The following PAM variants were observed in gnomAD, a reference collection of about 807,000 sequenced individuals.
PAM encodes the protein peptidyl-glycine alpha-amidating monooxygenase.
PAM carries 72 observed loss-of-function variants against 122.1 expected under a neutral mutation model. That is an observed-to-expected ratio of 0.59 (90% CI 0.49 to 0.72). PAM has a LOEUF of 0.72. PAM is among the 30% of genes least tolerant of loss of function. The pLI is 0.00. For missense variants in PAM, 1,106 were observed against 1,183.7 expected (o/e 0.93, Z 0.96); for synonymous variants, 389 against 404.4 (o/e 0.96, Z 0.46).
At chr5:102,871,727 T>TTA (rs1360550364) in intron 3 of PAM, among the ~76,000 whole-genome samples, 2 of 146,678 alleles carry the variant, frequency 1.4e-5, no homozygotes, top group South Asian at 2.1e-4. Flanking sequence ...TATAATACAT[T>TTA]TATATATATT....
rs1372631484 is a variant in PAM, at chr5:103,009,758, C to T, written c.2223C>T (p.Leu741=). 2 of 1,596,654 alleles carry T rather than the reference C, an allele frequency of 1.3e-6. No homozygotes were observed. The highest frequency in any genetic ancestry group is 8.6e-7 in the Non-Finnish European group (1 of 1,164,484). ...VFAISYIPGL[L]FAVNGKPHFG... ...CTGGATTTGCTGTTGCAGGCTTGCT[C>T]TTTGCAGTGAATGGGAAGCCTCATT... The change falls in exon 21 of 26, where the codon CTC becomes CTT. Residue 741 remains leucine (L), a synonymous_variant. Coordinates refer to ENST00000438793, the MANE Select transcript of PAM (RefSeq NM_001177306.2).
At chr5:102,825,835 A>G (rs549314945) in intron 1 of PAM, among the ~76,000 whole-genome samples, 2 of 152,236 alleles carry the variant, frequency 1.3e-5, no homozygotes, top group South Asian at 2.1e-4. Flanking sequence ...GCAACAGATC[A>G]ATACCCCATC....
intron 1 of PAM, among the ~76,000 whole-genome samples, chr5:102,850,037 G>A (rs945447083): frequency 5.3e-5 from 8 of 151,766 alleles, no homozygotes; most frequent in Middle Eastern, 3.2e-3. Flanking sequence ...TTTGGTATGC[G>A]CCATTTTCCT....
Position 103,003,100 on chromosome 5 carries a change from G to C in PAM, c.1681G>C (p.Val561Leu). The C allele has an allele frequency of 6.2e-7, 1 of 1,605,778 alleles. No homozygotes were observed. Among genetic ancestry groups the C allele is most frequent in the African/African-American group, 1.3e-5 (1 of 74,868 alleles). The change falls in exon 17 of 26, where the codon GTC (valine) becomes CTC (leucine). Residue 561 changes from valine to leucine, a missense_variant. Physicochemically the swap from Val to Leu is conservative, Grantham distance 32. Around this residue, in one of 3 missense-constraint regions of PAM, gnomAD observed 670 missense variants for 690.3 expected, o/e 0.97. Coordinates refer to ENST00000438793, the MANE Select transcript of PAM (RefSeq NM_001177306.2). The stretch of plus-strand genomic sequence containing the variant: ...ACCAATTGAAGAAGACACTATTCTT[G>C]TCATAGATCCAAATAATGCTGCAGT... ...LGPIEEDTIL[V>L]IDPNNAAVLQ...
intron 3 of PAM, among the ~76,000 whole-genome samples, chr5:102,897,594 T>C (rs191869830): frequency 1.3e-5 from 2 of 151,784 alleles, no homozygotes. Context: ...AATATTTCTA[T>C]GACTTATGGC....
At chr5:102,946,473 G>A (rs189457539) in intron 7 of PAM, among the ~76,000 whole-genome samples, 4 of 151,128 alleles carry the variant, frequency 2.6e-5, no homozygotes. Context: ...GTGCAGCATG[G>A]AGCAAACTAT....
intron 7 of PAM, among the ~76,000 whole-genome samples, chr5:102,938,330 A>G (rs1222830118): frequency 6.6e-6 from 1 of 152,156 alleles, no homozygotes; most frequent in East Asian, 1.9e-4. Context: ...TATGGCCATT[A>G]TGTATCAGGA....
At chr5:102,910,629 C>T (rs917329539) in intron 4 of PAM, among the ~76,000 whole-genome samples, 4 of 151,722 alleles carry the variant, frequency 2.6e-5, no homozygotes, top group Admixed American at 1.3e-4. Context: ...TTAATCTTAC[C>T]GGATATAATA....
chr5:102,762,185 G>A (rs1167158320), intron 1 of PAM, among the ~76,000 whole-genome samples: 1 of 152,186 alleles, frequency 6.6e-6, no homozygotes, highest in East Asian at 1.9e-4. Flanking sequence ...AAAGTCACTT[G>A]TTCAGTGTGC....
chr5:102,994,321 C>T (rs139046645), intron 16 of PAM, among the ~76,000 whole-genome samples: 18 of 152,278 alleles, frequency 1.2e-4, no homozygotes, highest in African/African-American at 4.1e-4. Context: ...TTTAGTAATA[C>T]AGGATTAATT....
At chr5:102,772,888 A>G (rs756763630) in intron 1 of PAM, among the ~76,000 whole-genome samples, 2 of 152,112 alleles carry the variant, frequency 1.3e-5, no homozygotes, top group Non-Finnish European at 2.9e-5. Flanking sequence ...CAGATTTTCA[A>G]ATATCTGGAG....
chr5:102,858,466 G>A (rs1783216354), intron 1 of PAM, among the ~76,000 whole-genome samples: 1 of 152,120 alleles, frequency 6.6e-6, no homozygotes, highest in Non-Finnish European at 1.5e-5. Flanking sequence ...AACAAAGAAT[G>A]GTTCAGCCCA....
intron 1 of PAM, among the ~76,000 whole-genome samples, chr5:102,845,292 T>C (rs985232045): frequency 6.6e-6 from 1 of 152,212 alleles, no homozygotes; most frequent in Non-Finnish European, 1.5e-5. Flanking sequence ...TAGTGTTAAG[T>C]ATGGGGATCT....
At chr5:102,845,047 T>C (rs2150630789) in intron 1 of PAM, among the ~76,000 whole-genome samples, 1 of 152,366 alleles carries the variant, frequency 6.6e-6, no homozygotes, top group Admixed American at 6.5e-5. Context: ...GGAATCTTGA[T>C]AAAATACAGT....
At chr5:102,983,446 C>CAA (rs70990421) in intron 15 of PAM, among the ~76,000 whole-genome samples, 1 of 103,572 alleles carries the variant, frequency 9.7e-6, no homozygotes, top group African/African-American at 3.6e-5. Flanking sequence ...TGAGACTGTC[C>CAA]AAAAAAAAAA....
chr5:102,835,697 T>C (rs139196511), intron 1 of PAM, among the ~76,000 whole-genome samples: 1,530 of 152,060 alleles, frequency 0.01, 20 homozygotes, highest in African/African-American at 0.034. Flanking sequence ...ATTTAAATAA[T>C]GAGGCTCATG....
At chr5:102,765,336 A>C (rs961663265) in intron 1 of PAM, among the ~76,000 whole-genome samples, 5 of 152,216 alleles carry the variant, frequency 3.3e-5, no homozygotes, top group Non-Finnish European at 5.9e-5. Flanking sequence ...CCCTTCTTTC[A>C]TTCAGTGTAG....
intron 1 of PAM, among the ~76,000 whole-genome samples, chr5:102,850,262 G>C (rs746333697): frequency 3.3e-5 from 5 of 152,066 alleles, no homozygotes; most frequent in Non-Finnish European, 7.4e-5. Flanking sequence ...ATGTTTTTTA[G>C]CCCTTAGCAA....
chr5:102,909,608 C>A (rs1264505064), intron 4 of PAM, among the ~76,000 whole-genome samples: 3 of 151,694 alleles, frequency 2.0e-5, no homozygotes, highest in Non-Finnish European at 4.4e-5. Context: ...GGAGATTTGA[C>A]CAAGATGTTG....
Sources: gnomAD v4.1 joint callset for allele counts (sites outside exome capture counted in the v4.1 genomes callset) on GRCh38, gnomAD v4.1.1 for gene constraint, gnomAD v4.1.1 regional missense constraint, MANE v1.5 for transcripts, NCBI Gene and HGNC (gene_info 2026-07-23, HGNC 2026-07-21) for gene names.